RABGAP1L: variants seen among roughly 807,000 people sequenced by gnomAD.
RABGAP1L encodes the protein rab GTPase-activating protein 1-like.
Under a neutral mutation model 137.7 loss-of-function variants are expected in RABGAP1L, and 63 were observed. The observed-to-expected ratio is 0.46, with a 90% confidence interval of 0.37 to 0.56. The LOEUF (loss-of-function observed/expected upper bound fraction) is 0.56, where lower values mean the gene tolerates loss of function less well. Ranked by LOEUF, RABGAP1L falls within the 20% of genes least tolerant of loss-of-function variation. The pLI is 0.00. For synonymous variants in RABGAP1L, 431 were observed against 433.7 expected, an observed-to-expected ratio of 0.99 and a Z score of 0.08; for missense variants, 1,095 against 1,244.0, an observed-to-expected ratio of 0.88 and a Z score of 1.80.
At chr1:174,479,727 T>C (rs549751434) in intron 13 of RABGAP1L, among the ~76,000 whole-genome samples, 1 of 152,214 alleles carries the variant, frequency 6.6e-6, no homozygotes, top group Non-Finnish European at 1.5e-5. Context: ...TAATTTATTG[T>C]AATATACCAA....
chr1:174,192,262 T>C (rs985973174), intron 1 of RABGAP1L, among the ~76,000 whole-genome samples: 2 of 151,786 alleles, frequency 1.3e-5, no homozygotes, highest in African/African-American at 4.8e-5. Context: ...GCGTAACACA[T>C]GGCAGTTGGA....
chr1:174,797,050 T>G (rs1183904251), intron 18 of RABGAP1L, among the ~76,000 whole-genome samples: 3 of 152,062 alleles, frequency 2.0e-5, no homozygotes. Context: ...TAATACATAG[T>G]ATATATGATT....
intron 9 of RABGAP1L, among the ~76,000 whole-genome samples, chr1:174,276,169 G>T (rs1377865457): frequency 6.6e-6 from 1 of 152,064 alleles, no homozygotes; most frequent in East Asian, 1.9e-4. Flanking sequence ...AAGAGACAGG[G>T]TCTCACTCTG....
chr1:174,336,853 A>ATGTGTG (rs148867931), intron 11 of RABGAP1L, among the ~76,000 whole-genome samples: 1,595 of 146,518 alleles, frequency 0.011, 20 homozygotes, highest in African/African-American at 0.037. Context: ...GTGTTTATAA[A>ATGTGTG]TGTGTGTGTG....
chr1:174,549,330 A>G (rs1293000814), intron 13 of RABGAP1L, among the ~76,000 whole-genome samples: 1 of 152,176 alleles, frequency 6.6e-6, no homozygotes, highest in African/African-American at 2.4e-5. Flanking sequence ...CTTAATGTAA[A>G]TTATAGAAAG....
At chr1:174,216,900 A>G (rs1318550805) in intron 1 of RABGAP1L, among the ~76,000 whole-genome samples, 1 of 150,370 alleles carries the variant, frequency 6.7e-6, no homozygotes, top group Non-Finnish European at 1.5e-5. Context: ...ATGTAATCTA[A>G]TTTATTTTCC....
intron 20 of RABGAP1L, chr1:174,965,023 C>T: frequency 7.4e-7 from 1 of 1,349,918 alleles, no homozygotes. Flanking sequence ...TCTGTAACAT[C>T]AGTGTCTGTC....
At chr1:174,957,132 CTG>C (rs1668615727) in intron 19 of RABGAP1L, among the ~76,000 whole-genome samples, 1 of 152,186 alleles carries the variant, frequency 6.6e-6, no homozygotes, top group Admixed American at 6.5e-5. Context: ...GGTGGACAAA[CTG>C]TAGCCTGTTT....
intron 13 of RABGAP1L, among the ~76,000 whole-genome samples, chr1:174,461,860 T>C (rs1209275002): frequency 6.6e-6 from 1 of 152,190 alleles, no homozygotes; most frequent in South Asian, 2.1e-4. Context: ...ACTTATAGGC[T>C]CTTTTTGAAT....
chr1:174,968,610 G>A (rs1477225061), intron 20 of RABGAP1L, among the ~76,000 whole-genome samples: 1 of 151,134 alleles, frequency 6.6e-6, no homozygotes, highest in Non-Finnish European at 1.5e-5. Context: ...GAAATCCTCA[G>A]TAATTTATTT....
chr1:174,529,092 G>A (rs1338930300), intron 13 of RABGAP1L, among the ~76,000 whole-genome samples: 2 of 149,644 alleles, frequency 1.3e-5, no homozygotes, highest in Non-Finnish European at 3.0e-5. Context: ...ATATCTCCCT[G>A]AGCTTCTTTA....
chr1:174,408,607 G>A (rs1289153869), intron 13 of RABGAP1L, among the ~76,000 whole-genome samples: 1 of 152,110 alleles, frequency 6.6e-6, no homozygotes, highest in African/African-American at 2.4e-5. Flanking sequence ...GTTGAACTGG[G>A]TAGAATGGTA....
At chr1:174,168,104 A>C (rs1236526571) in intron 1 of RABGAP1L, among the ~76,000 whole-genome samples, 1 of 151,976 alleles carries the variant, frequency 6.6e-6, no homozygotes, top group Non-Finnish European at 1.5e-5. Context: ...ACCTCTGCTA[A>C]AAATACAAAA....
At chr1:174,721,023 C>A (rs1394612479) in intron 17 of RABGAP1L, among the ~76,000 whole-genome samples, 7 of 152,128 alleles carry the variant, frequency 4.6e-5, no homozygotes, top group Non-Finnish European at 8.8e-5. Context: ...GAGAATATGG[C>A]TCTAGAAATC....
At chr1:174,673,362 A>C (rs1677329954) in intron 14 of RABGAP1L, among the ~76,000 whole-genome samples, 1 of 152,166 alleles carries the variant, frequency 6.6e-6, no homozygotes, top group Non-Finnish European at 1.5e-5. Context: ...AAAGGAGAAC[A>C]ATGGACCATA....
chr1:174,356,717 A>T (rs564659950), intron 11 of RABGAP1L, among the ~76,000 whole-genome samples: 1 of 152,222 alleles, frequency 6.6e-6, no homozygotes, highest in African/African-American at 2.4e-5. Context: ...ACAATTAGCT[A>T]CTGATCTCTG....
chr1:174,613,534 TTGA>T (rs902062377), intron 13 of RABGAP1L, among the ~76,000 whole-genome samples: 1 of 152,204 alleles, frequency 6.6e-6, no homozygotes, highest in African/African-American at 2.4e-5. Context: ...GTATATTCTG[TTGA>T]TTTGGGGTGG....
At chr1:174,672,744 T>A (rs1198465365) in intron 14 of RABGAP1L, among the ~76,000 whole-genome samples, 1 of 152,190 alleles carries the variant, frequency 6.6e-6, no homozygotes, top group Non-Finnish European at 1.5e-5. Context: ...GCTGTTTAAT[T>A]TCCATGTACA....
chr1:174,598,343 AAAAAT>A (rs954986564), intron 13 of RABGAP1L, among the ~76,000 whole-genome samples: 2 of 149,748 alleles, frequency 1.3e-5, no homozygotes, highest in African/African-American at 5.0e-5. Flanking sequence ...AAAAAAAAAA[AAAAAT>A]GGTCTGTCTT....
Sources: gnomAD v4.1 joint callset for allele counts (sites outside exome capture counted in the v4.1 genomes callset) on GRCh38, gnomAD v4.1.1 for gene constraint, MANE v1.5 for transcripts, NCBI Gene and HGNC (gene_info 2026-07-23, HGNC 2026-07-21) for gene names.